Variants in ZNF503 observed in about 807,000 individuals in gnomAD.
The protein encoded by ZNF503 is zinc finger protein 503.
A neutral mutation model predicts 34.4 loss-of-function variants in ZNF503; 15 were observed. That is an observed-to-expected ratio of 0.44 (90% confidence interval 0.29 to 0.67). The LOEUF is 0.67. Ranked by LOEUF, ZNF503 falls within the 30% of genes least tolerant of loss-of-function variation. The pLI is 0.13. For synonymous variants in ZNF503, 580 were observed against 456.8 expected, an observed-to-expected ratio of 1.27 and a Z score of -3.44; for missense variants, 1,007 against 926.8, an observed-to-expected ratio of 1.09 and a Z score of -1.12.
chr10:75,385,111 G>A, the ZNF503 span, among the ~76,000 whole-genome samples: 1 of 152,190 alleles, frequency 6.6e-6, no homozygotes, highest in Non-Finnish European at 1.5e-5. Context: ...GCCTAGGGGA[G>A]GGACAAAGAG....
At chr10:75,309,165 G>A in the ZNF503 span, among the ~76,000 whole-genome samples, 1 of 152,158 alleles carries the variant, frequency 6.6e-6, no homozygotes. Context: ...TTATGGATGA[G>A]CAAAGGAAGT....
chr10:75,302,546 C>T, the ZNF503 span, among the ~76,000 whole-genome samples: 1 of 152,238 alleles, frequency 6.6e-6, no homozygotes, highest in Non-Finnish European at 1.5e-5. Flanking sequence ...CAGGCTCTGT[C>T]AGCCAGGGAT....
chr10:75,280,673 G>A, the ZNF503 span, among the ~76,000 whole-genome samples: 1 of 152,062 alleles, frequency 6.6e-6, no homozygotes, highest in Non-Finnish European at 1.5e-5. Flanking sequence ...GCTAGGTTCT[G>A]GAGATACAAT....
At chr10:75,396,725 G>A (rs1365757203), downstream of ZNF503, among the ~76,000 whole-genome samples, 1 of 152,052 alleles carries the variant, frequency 6.6e-6, no homozygotes. This position sits in a 1 kb window ranked among gnomAD's most constrained non-coding sequence, Gnocchi z 4.4. Flanking sequence ...GTGACTCCAC[G>A]GTCCCGGAAT....
the ZNF503 span, among the ~76,000 whole-genome samples, chr10:75,282,410 A>AAATGCAAGAAGTTAG: frequency 4.0e-3 from 611 of 152,330 alleles, 3 homozygotes; most frequent in African/African-American, 0.014. Context: ...TTTGCAACCA[A>AAATGCAAGAAGTTAG]AATGCAAGAA....
the ZNF503 span, among the ~76,000 whole-genome samples, chr10:75,342,617 T>C: frequency 7.0e-6 from 1 of 142,724 alleles, no homozygotes; most frequent in Non-Finnish European, 1.5e-5. Context: ...TAGTAACAAG[T>C]AAAGCTGACA....
At chr10:75,325,329 A>AT in the ZNF503 span, among the ~76,000 whole-genome samples, 1,555 of 93,998 alleles carry the variant, frequency 0.017, 53 homozygotes, top group East Asian at 0.16. Context: ...ATATATATAT[A>AT]TTTTTTTTTT....
the ZNF503 span, among the ~76,000 whole-genome samples, chr10:75,363,081 T>TAC: frequency 0.049 from 7,327 of 148,678 alleles, 527 homozygotes; most frequent in African/African-American, 0.16. Flanking sequence ...CATGCATGCA[T>TAC]ACACACACAC....
intron 1 of ZNF503, 128 bp downstream of exon 1, chr10:75,400,977 C>A: frequency 7.3e-7 from 1 of 1,361,022 alleles, no homozygotes; most frequent in Non-Finnish European, 1.0e-6. Context: ...GAAGCAGTAG[C>A]CTCTTCCCCC....
At chr10:75,378,753 C>G in the ZNF503 span, among the ~76,000 whole-genome samples, 3 of 152,102 alleles carry the variant, frequency 2.0e-5, no homozygotes, top group Non-Finnish European at 2.9e-5. Flanking sequence ...GACCAGAACA[C>G]AAGCACAGAT....
chr10:75,313,003 A>T, the ZNF503 span, among the ~76,000 whole-genome samples: 3 of 152,304 alleles, frequency 2.0e-5, no homozygotes, highest in Middle Eastern at 3.4e-3. Context: ...ACCATGTAAG[A>T]TGTGACTTTA....
chr10:75,398,100 A>T lies in ZNF503; in HGVS notation c.*649T>A, dbSNP rs1351191665. On this transcript the variant is annotated 3_prime_UTR_variant, in exon 2 of 2. Coordinates refer to ENST00000372524, the MANE Select transcript of ZNF503 (RefSeq NM_032772.6). ...TTCTCTTCGATGGTATACACCTTAA[A>T]AATAATTGCAATTTGAAATCAGAGC... 4 of 152,572 alleles carry T rather than the reference A, an allele frequency of 2.6e-5. No homozygotes were observed. The highest frequency in any genetic ancestry group is 5.9e-5 in the Non-Finnish European group (4 of 68,032). 9.5% of individuals were successfully genotyped at this position (152,572 alleles called of 1,614,324 possible).
At chr10:75,369,623 T>C in the ZNF503 span, among the ~76,000 whole-genome samples, 3 of 152,242 alleles carry the variant, frequency 2.0e-5, no homozygotes, top group Admixed American at 1.3e-4. Context: ...GGCAATTCTT[T>C]ATAGCAGCGT....
the ZNF503 span, among the ~76,000 whole-genome samples, chr10:75,329,420 TTCC>T: frequency 0.31 from 16,816 of 53,792 alleles, 1,168 homozygotes; most frequent in South Asian, 0.39. Flanking sequence ...CTTCCTTTCC[TTCC>T]TTCCTTCCTT....
At chr10:75,350,839 C>T in the ZNF503 span, among the ~76,000 whole-genome samples, 1 of 152,170 alleles carries the variant, frequency 6.6e-6, no homozygotes, top group Non-Finnish European at 1.5e-5. Flanking sequence ...CAGGCATGAG[C>T]CACCGCGTCC....
the ZNF503 span, among the ~76,000 whole-genome samples, chr10:75,383,709 A>G: frequency 0.58 from 88,217 of 151,998 alleles, 25,812 homozygotes; most frequent in Non-Finnish European, 0.62. Context: ...CCGCCATTTC[A>G]TTTGCTATCT....
the ZNF503 span, among the ~76,000 whole-genome samples, chr10:75,314,169 A>G: frequency 0.75 from 112,478 of 149,360 alleles, 42,983 homozygotes; most frequent in African/African-American, 0.85. Context: ...CCCGGGAGGC[A>G]GAGCTTGCAG....
At chr10:75,328,746 CTTTTT>C in the ZNF503 span, among the ~76,000 whole-genome samples, 1 of 130,788 alleles carries the variant, frequency 7.6e-6, no homozygotes, top group Non-Finnish European at 1.6e-5. Flanking sequence ...AATGTCTTTT[CTTTTT>C]TTTTTTTTTT....
At chr10:75,332,725 G>A in the ZNF503 span, among the ~76,000 whole-genome samples, 2 of 147,802 alleles carry the variant, frequency 1.4e-5, no homozygotes, top group Non-Finnish European at 3.0e-5. Flanking sequence ...AGCACATCTT[G>A]CACCGCCCTT....
Sources: gnomAD v4.1 joint callset for allele counts (sites outside exome capture counted in the v4.1 genomes callset) on GRCh38, gnomAD v4.1.1 for gene constraint, Gnocchi (gnomAD v3.1) non-coding constraint, MANE v1.5 for transcripts, NCBI Gene and HGNC (gene_info 2026-07-23, HGNC 2026-07-21) for gene names.